Variants in SLC44A1 observed in about 807,000 individuals in gnomAD.
The protein encoded by SLC44A1 is solute carrier family 44 member 1, also known as choline transporter-like protein 1.
In SLC44A1, 26 loss-of-function variants were observed where a neutral mutation model predicts 79.3. The ratio of observed to expected loss-of-function variants is 0.33; its 90% CI spans 0.24 to 0.46. SLC44A1 has a LOEUF of 0.46. Ranked by LOEUF, SLC44A1 falls within the 20% of genes least tolerant of loss-of-function variation. The pLI is 1.00. For missense variants in SLC44A1, 688 were observed against 798.1 expected (o/e 0.86, Z 1.66); for synonymous variants, 263 against 286.2 (o/e 0.92, Z 0.82).
intron 15 of SLC44A1, among the ~76,000 whole-genome samples, chr9:105,409,216 A>G (rs1160756761): frequency 6.6e-6 from 1 of 152,230 alleles, no homozygotes; most frequent in Admixed American, 6.5e-5. Flanking sequence ...CCAAAGACAC[A>G]AATAGGATGA....
intron 1 of SLC44A1, among the ~76,000 whole-genome samples, chr9:105,276,816 C>T (rs527333085): frequency 3.7e-4 from 57 of 152,254 alleles, no homozygotes; most frequent in Middle Eastern, 6.8e-3. Context: ...AACAGCAGGT[C>T]CAGGCTATTT....
At chr9:105,301,844 A>G (rs1292985445) in intron 2 of SLC44A1, among the ~76,000 whole-genome samples, 5 of 152,232 alleles carry the variant, frequency 3.3e-5, no homozygotes, top group Non-Finnish European at 5.9e-5. Context: ...CGAGTGGCCC[A>G]GCTGCCTGCT....
chr9:105,327,654 T>G (rs138398902), intron 3 of SLC44A1, among the ~76,000 whole-genome samples: 42 of 152,308 alleles, frequency 2.8e-4, no homozygotes, highest in African/African-American at 9.9e-4. Context: ...TTTTCAGCTG[T>G]GCCATGCTCC....
chr9:105,309,745 A>G lies in SLC44A1; in HGVS notation c.148A>G (p.Ile50Val), dbSNP rs376847322. Residue 50 changes from isoleucine to valine, a missense_variant, in exon 3 of 16, where the codon ATA (isoleucine) becomes GTA (valine). By Grantham distance (29) the Ile-to-Val change is conservative (BLOSUM62 3). Coordinates refer to ENST00000374720, the MANE Select transcript of SLC44A1 (RefSeq NM_080546.5). ...IGMGFICGFS[I>V]ATGAAARLVS... ...CTAGGGATTTATTTGTGGCTTTTCA[A>G]TAGCAACAGGTGCAGCAGCAAGACT... 24 of 1,613,810 alleles carry G rather than the reference A, an allele frequency of 1.5e-5. 1 individual carries two copies. Among genetic ancestry groups the G allele is most frequent in the Middle Eastern group, 3.3e-4 (2 of 6,084 alleles).
intron 3 of SLC44A1, among the ~76,000 whole-genome samples, chr9:105,312,432 A>G (rs1281919840): frequency 1.3e-5 from 2 of 152,234 alleles, no homozygotes; most frequent in Non-Finnish European, 2.9e-5. Context: ...GAAATGAGAT[A>G]TATTTGATTC....
chr9:105,403,046 C>G (rs1234350439), intron 15 of SLC44A1, among the ~76,000 whole-genome samples: 2 of 147,278 alleles, frequency 1.4e-5, no homozygotes, highest in African/African-American at 5.1e-5. Context: ...TCTCCAACTC[C>G]TGGATTCAAG....
chr9:105,252,280 G>A (rs916164435), intron 1 of SLC44A1, among the ~76,000 whole-genome samples: 2 of 152,136 alleles, frequency 1.3e-5, no homozygotes, highest in Admixed American at 1.3e-4. Flanking sequence ...GATGAAGAGA[G>A]GGGCCGTGTT....
chr9:105,361,083 G>A, intron 7 of SLC44A1, 108 bp from the exon 8 acceptor site: 1 of 1,078,386 alleles, frequency 9.3e-7, no homozygotes, highest in Non-Finnish European at 1.4e-6. Context: ...GATTGTCACT[G>A]CATTAGTCCC....
chr9:105,387,167 C>T (rs1429396606), intron 15 of SLC44A1, among the ~76,000 whole-genome samples: 2 of 149,250 alleles, frequency 1.3e-5, no homozygotes, highest in Non-Finnish European at 1.5e-5. Context: ...AAACTAATCG[C>T]ATATTCAACC....
chr9:105,403,286 A>G (rs1486202320), intron 15 of SLC44A1, among the ~76,000 whole-genome samples: 1 of 152,106 alleles, frequency 6.6e-6, no homozygotes, highest in Non-Finnish European at 1.5e-5. Flanking sequence ...ATAGAATTTT[A>G]TTCTCTGGTA....
intron 1 of SLC44A1, among the ~76,000 whole-genome samples, chr9:105,271,974 A>G (rs1025815604): frequency 2.6e-5 from 4 of 152,110 alleles, no homozygotes; most frequent in Non-Finnish European, 4.4e-5. Flanking sequence ...GTCTCATAAT[A>G]TTTTTGTTTC....
At chr9:105,298,783 G>A (rs571222373) in intron 1 of SLC44A1, among the ~76,000 whole-genome samples, 2 of 152,302 alleles carry the variant, frequency 1.3e-5, no homozygotes, top group East Asian at 3.9e-4. Context: ...GAAGTTGGAA[G>A]AGTGTATTCA....
intron 15 of SLC44A1, among the ~76,000 whole-genome samples, chr9:105,422,584 C>A (rs971246717): frequency 6.6e-6 from 1 of 152,106 alleles, no homozygotes; most frequent in Admixed American, 6.5e-5. Context: ...CTGTGCCCAG[C>A]CCCATCCTTT....
At chr9:105,428,821 T>A (rs1024625777) in intron 15 of SLC44A1, among the ~76,000 whole-genome samples, 1 of 152,166 alleles carries the variant, frequency 6.6e-6, no homozygotes, top group African/African-American at 2.4e-5. Flanking sequence ...TGCCTCACCC[T>A]CTGGAGTTGT....
intron 2 of SLC44A1, among the ~76,000 whole-genome samples, chr9:105,302,928 G>A (rs1269479299): frequency 6.6e-6 from 1 of 152,228 alleles, no homozygotes; most frequent in Middle Eastern, 3.4e-3. Flanking sequence ...CCAGATAAGA[G>A]GTGAAAAACC....
At chr9:105,256,266 C>T (rs1183396155) in intron 1 of SLC44A1, among the ~76,000 whole-genome samples, 1 of 152,132 alleles carries the variant, frequency 6.6e-6, no homozygotes, top group African/African-American at 2.4e-5. Context: ...CCCACCTCAG[C>T]CTCTCAAAGT....
At chr9:105,248,831 T>G (rs1674110648) in intron 1 of SLC44A1, among the ~76,000 whole-genome samples, 1 of 152,200 alleles carries the variant, frequency 6.6e-6, no homozygotes, top group African/African-American at 2.4e-5. Context: ...ATCTTCAGAT[T>G]TATTAAATGC....
chr9:105,248,618 A>G (rs1564395717), intron 1 of SLC44A1, among the ~76,000 whole-genome samples: 1 of 152,200 alleles, frequency 6.6e-6, no homozygotes, highest in South Asian at 2.1e-4. Flanking sequence ...TAATTGCTCA[A>G]TACAAACCAA....
At chr9:105,415,831 G>A (rs979432430) in intron 15 of SLC44A1, among the ~76,000 whole-genome samples, 1 of 149,294 alleles carries the variant, frequency 6.7e-6, no homozygotes, top group Admixed American at 6.7e-5. Context: ...TAGAATGAAT[G>A]TTCCCGTTTT....
Sources: allele counts gnomAD v4.1 joint callset (sites outside exome capture counted in the v4.1 genomes callset), GRCh38; gene constraint gnomAD v4.1.1; transcripts MANE v1.5; gene names NCBI Gene and HGNC (gene_info 2026-07-23, HGNC 2026-07-21).